COBLL1: variants seen among roughly 807,000 people sequenced by gnomAD.
COBLL1 encodes cordon-bleu WH2 repeat protein like 1, also known as cordon-bleu protein-like 1.
In COBLL1, 50 loss-of-function variants were observed where a neutral mutation model predicts 94.8. That is an observed-to-expected ratio of 0.53 (90% CI 0.42 to 0.67). COBLL1 has a LOEUF of 0.67. Among genes scored for constraint, COBLL1 ranks in the 30% least tolerant of loss-of-function variants. COBLL1 has a pLI of 0.00. For missense variants in COBLL1, 1,362 were observed against 1,348.7 expected (o/e 1.01, Z -0.15); for synonymous variants, 448 against 473.8 (o/e 0.95, Z 0.71).
rs2105427823 is a variant in COBLL1 at position 164,694,342 on chromosome 2, G to A, written c.3050C>T (p.Ala1017Val). The change falls in exon 12 of 14, where the codon GCC becomes GTC. Residue 1017 changes from alanine (A) to valine (V), a missense_variant. Ala to Val is a moderately conservative substitution (Grantham distance 64, BLOSUM62 0). Coordinates refer to ENST00000652658, the MANE Select transcript of COBLL1 (RefSeq NM_001365672.2). ...ATGAGTCTTCCCTTCCTCTGTGTTG[G>A]CTGGAGGTTGGACCAATGCACTGGC... is the stretch of plus-strand genomic sequence containing the variant. The part of the protein sequence containing the change: ...PSASALVQPP[A>V]NTEEGKTHSV... The A allele has an allele frequency of 1.9e-6, 3 of 1,613,904 alleles. No homozygotes were observed. The highest frequency in any genetic ancestry group is 2.5e-6 in the Non-Finnish European group (3 of 1,179,872).
intron 2 of COBLL1, among the ~76,000 whole-genome samples, chr2:164,756,503 T>A (rs961967310): frequency 6.6e-6 from 1 of 152,172 alleles, no homozygotes; most frequent in Non-Finnish European, 1.5e-5. Context: ...AATGGCAAAA[T>A]ATATTTTTAT....
At chr2:164,808,980 G>A (rs10173063) in intron 2 of COBLL1, among the ~76,000 whole-genome samples, 29,913 of 151,936 alleles carry the variant, frequency 0.2, 3,051 homozygotes, top group Middle Eastern at 0.27. Context: ...CTCAAAGTAC[G>A]TTGGAAAGCA....
chr2:164,729,882 T>C (rs375905705), intron 4 of COBLL1, 32 bp downstream of exon 4: 44 of 1,555,608 alleles, frequency 2.8e-5, no homozygotes, highest in Non-Finnish European at 3.6e-5. Context: ...AATGACTGAA[T>C]AAGACATCAA....
chr2:164,672,597 G>C (rs1691259967), intron 1 of COBLL1, among the ~76,000 whole-genome samples: 1 of 151,382 alleles, frequency 6.6e-6, no homozygotes, highest in South Asian at 2.1e-4. Flanking sequence ...TACTCGGGAG[G>C]CTGAGGCAGG....
chr2:164,730,071 T>C lies in COBLL1; in HGVS notation c.275A>G (p.His92Arg). 6.2e-7 allele frequency: 1 copy of C among 1,614,054 alleles called. No homozygotes were observed. The highest frequency in any genetic ancestry group is 8.5e-7 in the Non-Finnish European group (1 of 1,179,952). Residue 92 changes from histidine to arginine, a missense_variant, in exon 4 of 14, where the codon CAC becomes CGC. Coordinates refer to ENST00000652658, the MANE Select transcript of COBLL1 (RefSeq NM_001365672.2). ...DLLIFLCAQYHLNPSSYTIDL... is the reference protein window; with the variant it reads ...DLLIFLCAQYRLNPSSYTIDL... ...GATTGTGTAACTTGATGGATTTAAG[T>C]GATACTGTGCACAAAGGAATATCAA...
Position 164,686,017 on chromosome 2 carries a change from T to A in COBLL1, c.3316A>T (p.Asn1106Tyr). Residue 1106 changes from asparagine (N) to tyrosine (Y), a missense_variant, in exon 14 of 14, where the codon AAT becomes TAT. Coordinates refer to ENST00000652658, the MANE Select transcript of COBLL1 (RefSeq NM_001365672.2). ...AKLKRVTIPS[N>Y]TISVNGRSRL... ...GACCTTCCATTCACAGATATTGTATTTGATGGAATGGTAACCTAAGAGAAA... is the reference window on the plus strand; with the variant it reads ...GACCTTCCATTCACAGATATTGTATATGATGGAATGGTAACCTAAGAGAAA... 1 of 1,597,700 alleles carries A rather than the reference T, an allele frequency of 6.3e-7. No homozygotes were observed. Among genetic ancestry groups the A allele is most frequent in the Non-Finnish European group, 8.6e-7 (1 of 1,168,578 alleles).
At chr2:164,672,809 A>G (rs1284943051) in intron 1 of COBLL1, among the ~76,000 whole-genome samples, 2 of 151,996 alleles carry the variant, frequency 1.3e-5, no homozygotes, top group East Asian at 3.9e-4. Flanking sequence ...AGAGACAGGG[A>G]TATTTCAGAA....
At chr2:164,690,355 A>C (rs1683528572) in intron 13 of COBLL1, among the ~76,000 whole-genome samples, 1 of 152,206 alleles carries the variant, frequency 6.6e-6, no homozygotes, top group African/African-American at 2.4e-5. Flanking sequence ...CTGAAAGAGA[A>C]AATTTTAGAT....
chr2:164,761,965 A>G (rs965871132), intron 2 of COBLL1, among the ~76,000 whole-genome samples: 1 of 152,226 alleles, frequency 6.6e-6, no homozygotes, highest in Non-Finnish European at 1.5e-5. Context: ...ATCTCATAAG[A>G]GAAGTAGCAA....
At chr2:164,703,609 A>C (rs757173840) in intron 9 of COBLL1, 4 of 427,244 alleles carry the variant, frequency 9.4e-6, no homozygotes, top group Non-Finnish European at 1.9e-5. Flanking sequence ...ATATGCTAAA[A>C]TTCCAAATTC....
chr2:164,700,473 TATTA>T, intron 10 of COBLL1, 45 bp downstream of exon 10: 1 of 1,123,574 alleles, frequency 8.9e-7, no homozygotes, highest in Non-Finnish European at 1.3e-6. Context: ...AGAAGACTAG[TATTA>T]ATTAAACTAA....
chr2:164,751,972 A>T lies in COBLL1; in HGVS notation c.42-8097T>A, dbSNP rs570808660. 9.8e-5 allele frequency among the ~76,000 whole-genome samples: 15 copies of T among 152,298 alleles called. No homozygotes were observed. In the East Asian group the frequency reaches 2.7e-3, roughly 27 times the overall value. Reference sequence around the variant, plus strand: ...GAATTATGATTAATATCAGAAAAGAATAATCTAATTTTTCATTTTTAGGAA... The same window carrying T: ...GAATTATGATTAATATCAGAAAAGATTAATCTAATTTTTCATTTTTAGGAA... On this transcript the variant is annotated intron_variant, in intron 2 of 13. Transcript: ENST00000652658.
At chr2:164,722,700 C>A in intron 5 of COBLL1, 178 bp from the exon 6 acceptor site, 1 of 361,004 alleles carries the variant, frequency 2.8e-6, no homozygotes, top group Non-Finnish European at 5.0e-6. Context: ...AATATTGTTC[C>A]TATTTCACAG....
intron 2 of COBLL1, among the ~76,000 whole-genome samples, chr2:164,744,714 T>A (rs547840598): frequency 4.1e-4 from 63 of 152,296 alleles, no homozygotes; most frequent in African/African-American, 1.5e-3. Flanking sequence ...TGCACATAGA[T>A]GGCTATTTCC....
At chr2:164,801,492 C>T (rs1683800896) in intron 2 of COBLL1, among the ~76,000 whole-genome samples, 1 of 127,758 alleles carries the variant, frequency 7.8e-6, no homozygotes, top group Non-Finnish European at 1.6e-5. Flanking sequence ...GTGGTGGCAA[C>T]ACACCTGTAG....
In COBLL1 at chr2:164,825,829, G is replaced by A. The variant is rs80060435; in HGVS notation, c.41+15327C>T. 4.9e-3 allele frequency among the ~76,000 whole-genome samples: 739 copies of A among 152,282 alleles called. 7 individuals carry two copies. Among genetic ancestry groups the A allele is most frequent in the African/African-American group, 0.017 (693 of 41,564 alleles). ...ATCCTGAGAGATGGAGGAGTCAGAA[G>A]TTATAGATTCCTCTTGCTCTTTTCA... On this transcript the variant is annotated intron_variant, in intron 2 of 13. Transcript: ENST00000652658.
intron 12 of COBLL1, 125 bp downstream of exon 12, chr2:164,694,144 A>C: frequency 2.2e-6 from 2 of 930,024 alleles, no homozygotes; most frequent in South Asian, 1.6e-5. Context: ...CTTCACTACA[A>C]TAGCTTAATT....
chr2:164,705,201 C>A, intron 7 of COBLL1, 96 bp from the exon 8 acceptor site: 2 of 902,230 alleles, frequency 2.2e-6, no homozygotes, highest in Non-Finnish European at 3.1e-6. Flanking sequence ...AGGATATATC[C>A]AAATGGAACA....
chr2:164,823,152 A>T (rs1685264433), intron 2 of COBLL1, among the ~76,000 whole-genome samples: 1 of 152,172 alleles, frequency 6.6e-6, no homozygotes, highest in Non-Finnish European at 1.5e-5. Context: ...TTGTTCAAAG[A>T]TGTGTATTTT....
Sources: allele counts gnomAD v4.1 joint callset (sites outside exome capture counted in the v4.1 genomes callset), GRCh38; gene constraint gnomAD v4.1.1; transcripts MANE v1.5; gene names NCBI Gene and HGNC (gene_info 2026-07-23, HGNC 2026-07-21).